DAB1: variants seen among roughly 807,000 people sequenced by gnomAD.
DAB1 encodes the protein DAB adaptor protein 1.
A neutral mutation model predicts 64.6 loss-of-function variants in DAB1; 15 were observed. That is an observed-to-expected ratio of 0.23 (90% CI 0.16 to 0.36). The LOEUF (loss-of-function observed/expected upper bound fraction) is 0.36. DAB1 is among the 10% of genes least tolerant of loss of function. The probability of loss-of-function intolerance (pLI) is 1.00; values close to 1 mark genes in which losing one functional copy is unlikely to be tolerated. For missense variants in DAB1, 596 were observed against 706.7 expected (o/e 0.84, Z 1.78); for synonymous variants, 235 against 251.9 (o/e 0.93, Z 0.64).
At chr1:58,245,039 T>C (rs985868866) in intron 4 of DAB1, among the ~76,000 whole-genome samples, 4 of 152,228 alleles carry the variant, frequency 2.6e-5, no homozygotes, top group Non-Finnish European at 4.4e-5. Context: ...CTAGGAACTA[T>C]GTCCACAACT....
At chr1:58,445,798 T>C (rs886782211) in intron 3 of DAB1, among the ~76,000 whole-genome samples, 1 of 152,196 alleles carries the variant, frequency 6.6e-6, no homozygotes. Context: ...ACTCCACTTG[T>C]TATTCCCAAA....
chr1:57,763,107 C>T (rs1649156433), intron 6 of DAB1, among the ~76,000 whole-genome samples: 1 of 152,152 alleles, frequency 6.6e-6, no homozygotes, highest in African/African-American at 2.4e-5. Flanking sequence ...ATTAACGATG[C>T]GACACAGGAT....
chr1:58,439,389 CA>C (rs2100262883), intron 3 of DAB1, among the ~76,000 whole-genome samples: 1 of 152,186 alleles, frequency 6.6e-6, no homozygotes, highest in East Asian at 1.9e-4. Context: ...AGTAAAGAAA[CA>C]TTTATTGGAG....
chr1:57,530,332 T>C (rs1394319144), intron 7 of DAB1, among the ~76,000 whole-genome samples: 2 of 152,216 alleles, frequency 1.3e-5, no homozygotes, highest in African/African-American at 4.8e-5. Flanking sequence ...GTGCAGTATG[T>C]AAATTGTGAC....
chr1:57,446,511 T>C (rs1349911795), intron 7 of DAB1, among the ~76,000 whole-genome samples: 2 of 150,502 alleles, frequency 1.3e-5, no homozygotes, highest in East Asian at 3.9e-4. Flanking sequence ...GGCGGGAGAA[T>C]CGCTTGAACC....
intron 5 of DAB1, among the ~76,000 whole-genome samples, chr1:58,007,560 A>G (rs957322043): frequency 1.3e-5 from 2 of 152,346 alleles, no homozygotes; most frequent in South Asian, 2.1e-4. Flanking sequence ...GGCAGGGCTC[A>G]GAGATGGAAG....
At chr1:58,381,881 ATGAATGACACCATCAAAGAAGTGAGAC>A (rs1168776712) in intron 3 of DAB1, among the ~76,000 whole-genome samples, 25,132 of 147,432 alleles carry the variant, frequency 0.17, 2,794 homozygotes, top group South Asian at 0.22. Context: ...GTAAAAAATA[ATGAATGACACCATCAAAGAAGTGAGAC>A]TGAATGACAC....
chr1:57,389,396 C>T lies in DAB1; in HGVS notation c.-137+34534G>A, dbSNP rs186552952. ...CCGTAGCCCCTGCCTACCACCACAG[C>T]TCAATTCCTCTACTCAGCACAATCC... On this transcript the variant is annotated intron_variant, in intron 1 of 14. Transcript: ENST00000371236. Among the ~76,000 whole-genome samples, 125 of 152,308 alleles carry T rather than the reference C, an allele frequency of 8.2e-4. 2 individuals carry two copies. Among genetic ancestry groups the T allele is most frequent in the African/African-American group, 2.6e-3 (109 of 41,564 alleles).
At chr1:58,508,491 T>C (rs11581844) in intron 2 of DAB1, among the ~76,000 whole-genome samples, 65,127 of 151,934 alleles carry the variant, frequency 0.43, 16,182 homozygotes, top group East Asian at 0.66. Flanking sequence ...TCAAACCTGG[T>C]AGAAGACTGG....
intron 3 of DAB1, among the ~76,000 whole-genome samples, chr1:58,355,504 A>G (rs1644102021): frequency 6.6e-6 from 1 of 151,940 alleles, no homozygotes; most frequent in African/African-American, 2.4e-5. Flanking sequence ...CAAGCCTGGC[A>G]GACCTCTCAG....
chr1:57,933,598 T>C (rs562687043), intron 5 of DAB1, among the ~76,000 whole-genome samples: 9 of 152,362 alleles, frequency 5.9e-5, no homozygotes, highest in African/African-American at 2.2e-4. Context: ...TATTCATTTA[T>C]ATAAATATAC....
chr1:57,635,518 T>C (rs1467122361), intron 7 of DAB1, among the ~76,000 whole-genome samples: 1 of 152,114 alleles, frequency 6.6e-6, no homozygotes, highest in Admixed American at 6.5e-5. Flanking sequence ...GCGTGCTCCT[T>C]ATGAGACTCT....
At position 57,979,767 on chromosome 1, in the gene DAB1, G is replaced by A. The variant is rs1391573573; in HGVS notation, n.388-95605C>T. Among the ~76,000 whole-genome samples, 4 of 152,034 alleles carry A rather than the reference G, an allele frequency of 2.6e-5. No homozygotes were observed. The South Asian group carries it at 6.2e-4, about 24-fold the overall frequency. The stretch of plus-strand genomic sequence containing the variant: ...CTCATTTTACTCATCTGTAAAATGG[G>A]GATAAAATTAGCCTTCCTGCAGGTT... On this transcript the variant is annotated intron_variant and non_coding_transcript_variant, in intron 5 of 20. Transcript: ENST00000485760.
chr1:58,101,482 T>A (rs1651321270), intron 5 of DAB1, among the ~76,000 whole-genome samples: 1 of 151,398 alleles, frequency 6.6e-6, no homozygotes, highest in South Asian at 2.1e-4. Flanking sequence ...ACCTGGGGGG[T>A]AAGGGGACAT....
At position 57,755,697 on chromosome 1, in the gene DAB1, G is replaced by C. The variant is rs377261838; in HGVS notation, n.552-106032C>G. Among the ~76,000 whole-genome samples the C allele has an allele frequency of 2.6e-4, 39 of 152,236 alleles. 1 individual carries two copies. In the South Asian group the frequency reaches 7.9e-3, roughly 31 times the overall value. On this transcript the variant is annotated intron_variant and non_coding_transcript_variant, in intron 6 of 20. Coordinates refer to the DAB1 transcript ENST00000485760. ...ATCCTCTTCAGAATGTCTTCTTCTT[G>C]TTAGGTTTGGATTTGGTGCTTATAC...
intron 4 of DAB1, among the ~76,000 whole-genome samples, chr1:58,288,100 T>C (rs1307736427): frequency 1.4e-5 from 2 of 147,698 alleles, no homozygotes; most frequent in Admixed American, 6.7e-5. Context: ...AACTTAAATA[T>C]AGAGTCTTTT....
At chr1:58,471,269 C>T (rs1254144118) in intron 3 of DAB1, among the ~76,000 whole-genome samples, 1 of 152,102 alleles carries the variant, frequency 6.6e-6, no homozygotes, top group Non-Finnish European at 1.5e-5. Context: ...GGATAAAAGA[C>T]ATAGGTAAAA....
At chr1:57,196,329 A>G (rs573136815) in intron 2 of DAB1, among the ~76,000 whole-genome samples, 2 of 152,326 alleles carry the variant, frequency 1.3e-5, no homozygotes, top group Admixed American at 6.5e-5. Flanking sequence ...TCCTCACCAT[A>G]GTACAATACC....
intron 7 of DAB1, among the ~76,000 whole-genome samples, chr1:57,608,312 C>A (rs893017110): frequency 6.6e-6 from 1 of 152,084 alleles, no homozygotes; most frequent in Non-Finnish European, 1.5e-5. Flanking sequence ...CCAGCTCTGA[C>A]AATCTATGAT....
Sources: gnomAD v4.1 joint callset for allele counts (sites outside exome capture counted in the v4.1 genomes callset) on GRCh38, gnomAD v4.1.1 for gene constraint, MANE v1.5 for transcripts, NCBI Gene and HGNC (gene_info 2026-07-23, HGNC 2026-07-21) for gene names.